SND1: variants seen among roughly 807,000 people sequenced by gnomAD.
SND1 encodes the protein staphylococcal nuclease and tudor domain containing 1.
In SND1, 38 loss-of-function variants were observed where a neutral mutation model predicts 121.7. The observed-to-expected ratio is 0.31, with a 90% CI of 0.24 to 0.41. SND1 has a LOEUF of 0.41. Among genes scored for constraint, SND1 ranks in the 10% least tolerant of loss-of-function variants. The pLI is 1.00. For missense variants in SND1, 868 were observed against 1,184.6 expected, an observed-to-expected ratio of 0.73 and a Z score of 3.92; for synonymous variants, 401 against 447.4, an observed-to-expected ratio of 0.90 and a Z score of 1.31.
chr7:127,816,662 CTTTTTTTTT>C (rs919893026), intron 11 of SND1, among the ~76,000 whole-genome samples: 7 of 135,242 alleles, frequency 5.2e-5, no homozygotes, highest in African/African-American at 1.1e-4. Context: ...TTCTCAAACT[CTTTTTTTTT>C]TTTTTTTTTT....
intron 11 of SND1, among the ~76,000 whole-genome samples, chr7:127,838,075 G>A (rs1199841366): frequency 2.0e-5 from 3 of 152,134 alleles, no homozygotes; most frequent in Non-Finnish European, 4.4e-5. Flanking sequence ...AGGGGTACGA[G>A]CCTGAGTGGC....
intron 13 of SND1, among the ~76,000 whole-genome samples, chr7:127,899,931 T>C (rs1800195615): frequency 6.6e-6 from 1 of 152,096 alleles, no homozygotes; most frequent in East Asian, 1.9e-4. Flanking sequence ...AGGAAAGCAT[T>C]GTTAAAAGGA....
At chr7:127,824,588 T>C (rs1798609221) in intron 11 of SND1, among the ~76,000 whole-genome samples, 1 of 152,250 alleles carries the variant, frequency 6.6e-6, no homozygotes, top group South Asian at 2.1e-4. Flanking sequence ...ATTGTCCCAA[T>C]TACTTTATCT....
chr7:127,727,401 T>C (rs1796601136), intron 10 of SND1, among the ~76,000 whole-genome samples: 1 of 152,198 alleles, frequency 6.6e-6, no homozygotes, highest in Non-Finnish European at 1.5e-5. Context: ...TTAAAAGCGA[T>C]TTTCAACCTA....
intron 9 of SND1, among the ~76,000 whole-genome samples, chr7:127,717,086 TCTTTAGATTTACAG>T (rs1796404600): frequency 1.3e-5 from 2 of 152,334 alleles, no homozygotes; most frequent in South Asian, 4.1e-4. Flanking sequence ...TTTAGGTCAC[TCTTTAGATTTACAG>T]AAAAATTAAG....
chr7:127,884,656 A>G (rs965217074), intron 12 of SND1, among the ~76,000 whole-genome samples: 2 of 152,032 alleles, frequency 1.3e-5, no homozygotes, highest in African/African-American at 4.8e-5. Context: ...TTTGACCTGC[A>G]CTGCAGTCTG....
chr7:127,838,857 C>T (rs1225949447), intron 11 of SND1, among the ~76,000 whole-genome samples: 1 of 152,148 alleles, frequency 6.6e-6, no homozygotes, highest in Non-Finnish European at 1.5e-5. Context: ...TAACTCTGTG[C>T]CAGACACTGC....
Position 128,074,697 on chromosome 7 carries a change from G to A in SND1, c.1968+7G>A. On this transcript the variant is annotated splice_region_variant and intron_variant, in intron 17 of 23. Transcript: ENST00000354725. ...AAAGCAGAAGAAAGAGAAGGTACAT[G>A]TGGCAGCCCAGCTGTGCTCTCCCTG... is the stretch of plus-strand genomic sequence containing the variant. 1 of 1,604,478 alleles carries A rather than the reference G, an allele frequency of 6.2e-7. No individual in the cohort carries two copies. The highest frequency in any genetic ancestry group is 8.5e-7 in the Non-Finnish European group (1 of 1,175,440).
intron 10 of SND1, among the ~76,000 whole-genome samples, chr7:127,805,578 T>C (rs1345779122): frequency 6.6e-6 from 1 of 152,214 alleles, no homozygotes; most frequent in Non-Finnish European, 1.5e-5. Flanking sequence ...AATGTTTGTA[T>C]GTGCTAGAGG....
At chr7:127,846,327 A>G (rs1442062187) in intron 12 of SND1, among the ~76,000 whole-genome samples, 2 of 152,214 alleles carry the variant, frequency 1.3e-5, no homozygotes, top group Non-Finnish European at 2.9e-5. Context: ...GAATTTTACA[A>G]GTACTCTTCT....
chr7:127,654,402 A>G (rs971261521), intron 1 of SND1, among the ~76,000 whole-genome samples: 1 of 152,208 alleles, frequency 6.6e-6, no homozygotes, highest in Non-Finnish European at 1.5e-5. Flanking sequence ...AATAAGAGGC[A>G]GAGCTGAGAC....
intron 11 of SND1, among the ~76,000 whole-genome samples, chr7:127,842,571 G>A (rs1160897802): frequency 1.3e-5 from 2 of 152,224 alleles, no homozygotes; most frequent in African/African-American, 4.8e-5. Flanking sequence ...TCTCAAGTAT[G>A]TTGGTGTTGG....
At chr7:128,078,610 AC>A (rs1793547016) in intron 17 of SND1, among the ~76,000 whole-genome samples, 1 of 152,186 alleles carries the variant, frequency 6.6e-6, no homozygotes, top group Non-Finnish European at 1.5e-5. Flanking sequence ...CCTGCTGCCC[AC>A]CTGAGCCTGC....
intron 10 of SND1, among the ~76,000 whole-genome samples, chr7:127,778,984 T>C (rs6950211): frequency 0.94 from 143,874 of 152,256 alleles, 68,419 homozygotes; most frequent in Non-Finnish European, 1. Context: ...TGCCTATTCT[T>C]AAGTGTCATT....
chr7:127,772,325 G>A (rs1440972), intron 10 of SND1, among the ~76,000 whole-genome samples: 31,785 of 152,018 alleles, frequency 0.21, 3,926 homozygotes, highest in African/African-American at 0.35. Context: ...TATTTCCTCC[G>A]TAATTCGGTA....
intron 1 of SND1, among the ~76,000 whole-genome samples, chr7:127,683,646 A>T (rs559118210): frequency 1.7e-4 from 26 of 152,364 alleles, no homozygotes; most frequent in South Asian, 1.0e-3. Context: ...CCACCAAGGC[A>T]ATAGCCAAAT....
intron 12 of SND1, among the ~76,000 whole-genome samples, chr7:127,865,760 A>T (rs944775921): frequency 6.6e-6 from 1 of 151,044 alleles, no homozygotes; most frequent in Admixed American, 6.6e-5. Flanking sequence ...GCATGCCATC[A>T]TGCTCAGCTA....
At chr7:127,900,973 T>A (rs1800220407) in intron 13 of SND1, among the ~76,000 whole-genome samples, 2 of 152,062 alleles carry the variant, frequency 1.3e-5, no homozygotes, top group South Asian at 4.2e-4. Flanking sequence ...GCAGGAGAAG[T>A]TTAGAAGTCA....
At chr7:127,785,111 G>A (rs1206281292) in intron 10 of SND1, among the ~76,000 whole-genome samples, 1 of 152,104 alleles carries the variant, frequency 6.6e-6, no homozygotes, top group Non-Finnish European at 1.5e-5. Context: ...ATCTCACTAT[G>A]CTGCTCAGGC....
Sources: allele counts gnomAD v4.1 joint callset (sites outside exome capture counted in the v4.1 genomes callset), GRCh38; gene constraint gnomAD v4.1.1; transcripts MANE v1.5; gene names NCBI Gene and HGNC (gene_info 2026-07-23, HGNC 2026-07-21).